The following SPMIP11 variants were observed in gnomAD, a reference collection of about 807,000 sequenced individuals.
The protein encoded by SPMIP11 is sperm microtubule inner protein 11, also known as long intergenic non-protein coding RNA 935.
the SPMIP11 span, chr12:48,768,886 G>A: frequency 2.5e-6 from 4 of 1,571,904 alleles, no homozygotes; most frequent in Non-Finnish European, 2.6e-6. Flanking sequence ...GACACCTGTG[G>A]AAGCCCTCCG....
At chr12:48,737,558 G>A in the SPMIP11 span, among the ~76,000 whole-genome samples, 321 of 151,724 alleles carry the variant, frequency 2.1e-3, 1 homozygote, top group African/African-American at 7.4e-3. Context: ...GGGATTACAG[G>A]CACCTGCAAC....
chr12:48,756,329 C>T, the SPMIP11 span, among the ~76,000 whole-genome samples: 1 of 152,176 alleles, frequency 6.6e-6, no homozygotes, highest in East Asian at 1.9e-4. Context: ...TGGTTCAGTC[C>T]AGGCTTCCAG....
At chr12:48,768,727 G>A in the SPMIP11 span, 1 of 1,613,228 alleles carries the variant, frequency 6.2e-7, no homozygotes, top group Non-Finnish European at 8.5e-7. Context: ...CTGGGGGAGT[G>A]GGAGGGGAGC....
At chr12:48,749,391 G>A in the SPMIP11 span, among the ~76,000 whole-genome samples, 1 of 151,996 alleles carries the variant, frequency 6.6e-6, no homozygotes, top group African/African-American at 2.4e-5. Flanking sequence ...CACTTTGGGT[G>A]GCCGAGGCAG....
At chr12:48,745,277 C>CAA in the SPMIP11 span, among the ~76,000 whole-genome samples, 1 of 131,538 alleles carries the variant, frequency 7.6e-6, no homozygotes, top group Non-Finnish European at 1.6e-5. Context: ...GACTCCATCT[C>CAA]AAAAAAAAAA....
the SPMIP11 span, among the ~76,000 whole-genome samples, chr12:48,764,670 G>C: frequency 6.6e-6 from 1 of 152,312 alleles, no homozygotes; most frequent in South Asian, 2.1e-4. Flanking sequence ...ACCATGAAGG[G>C]TGTGAGATGC....
chr12:48,764,008 G>A, the SPMIP11 span, among the ~76,000 whole-genome samples: 3 of 144,604 alleles, frequency 2.1e-5, no homozygotes, highest in Non-Finnish European at 1.5e-5. Context: ...TTGAGATGGA[G>A]TTTCCCTCTT....
chr12:48,745,159 T>C, the SPMIP11 span, among the ~76,000 whole-genome samples: 1 of 149,762 alleles, frequency 6.7e-6, no homozygotes, highest in East Asian at 2.0e-4. Flanking sequence ...TAGTCCCAGC[T>C]ACTTGGGGTT....
chr12:48,764,208 C>T, the SPMIP11 span, among the ~76,000 whole-genome samples: 1 of 151,742 alleles, frequency 6.6e-6, no homozygotes, highest in Non-Finnish European at 1.5e-5. Flanking sequence ...AGGCTGGTCT[C>T]GAACTCCCGA....
the SPMIP11 span, among the ~76,000 whole-genome samples, chr12:48,761,119 G>T: frequency 6.6e-6 from 1 of 152,082 alleles, no homozygotes; most frequent in Non-Finnish European, 1.5e-5. Context: ...TAAAAAGCAT[G>T]TAGCCAGCCT....
At chr12:48,740,681 A>G in the SPMIP11 span, among the ~76,000 whole-genome samples, 249 of 148,694 alleles carry the variant, frequency 1.7e-3, 2 homozygotes, top group African/African-American at 5.9e-3. Context: ...TTTTTAAGAG[A>G]GGAGATCTCA....
the SPMIP11 span, among the ~76,000 whole-genome samples, chr12:48,747,923 T>C: frequency 6.6e-6 from 1 of 152,176 alleles, no homozygotes; most frequent in Admixed American, 6.5e-5. Flanking sequence ...TTGGCTTTTA[T>C]CTAAGATGTT....
the SPMIP11 span, among the ~76,000 whole-genome samples, chr12:48,733,764 CTTT>C: frequency 4.8e-5 from 4 of 82,900 alleles, no homozygotes; most frequent in African/African-American, 4.7e-5. Flanking sequence ...AATGCAGATT[CTTT>C]TTTTTTTTTT....
the SPMIP11 span, among the ~76,000 whole-genome samples, chr12:48,753,777 C>T: frequency 2.2e-3 from 330 of 147,660 alleles, no homozygotes; most frequent in African/African-American, 7.6e-3. Context: ...TATCGGCTCA[C>T]TGCAACCTCT....
chr12:48,754,188 C>G, the SPMIP11 span, among the ~76,000 whole-genome samples: 3 of 152,066 alleles, frequency 2.0e-5, no homozygotes, highest in African/African-American at 7.2e-5. Context: ...ATTATTTGAG[C>G]CCAGGAGTTC....
At chr12:48,736,413 C>CA in the SPMIP11 span, among the ~76,000 whole-genome samples, 525 of 71,134 alleles carry the variant, frequency 7.4e-3, 1 homozygote, top group East Asian at 0.025. Flanking sequence ...GACTCTGTCT[C>CA]AAAAAAAAAA....
the SPMIP11 span, among the ~76,000 whole-genome samples, chr12:48,738,938 C>CT: frequency 1.4e-5 from 2 of 141,936 alleles, no homozygotes; most frequent in Non-Finnish European, 3.1e-5. Context: ...TTTTTTTTTG[C>CT]TTTTTTTTCT....
the SPMIP11 span, among the ~76,000 whole-genome samples, chr12:48,738,712 C>T: frequency 6.6e-6 from 1 of 151,910 alleles, no homozygotes; most frequent in African/African-American, 2.4e-5. Context: ...TAACTTTCTT[C>T]AGAGCAAGTG....
the SPMIP11 span, chr12:48,765,632 G>T: frequency 1.4e-6 from 1 of 702,872 alleles, no homozygotes; most frequent in Admixed American, 2.0e-5. Flanking sequence ...TATTCTCAAT[G>T]ACAGGACCTT....
Sources: gnomAD v4.1 joint callset for allele counts (sites outside exome capture counted in the v4.1 genomes callset) on GRCh38, gnomAD v4.1.1 for gene constraint, MANE v1.5 for transcripts, NCBI Gene and HGNC (gene_info 2026-07-23, HGNC 2026-07-21) for gene names.